Variants in MDGA2 observed in about 807,000 individuals in gnomAD.
The protein encoded by MDGA2 is MAM domain containing glycosylphosphatidylinositol anchor 2.
MDGA2 carries 40 observed loss-of-function variants against 117.8 expected under a neutral mutation model. That is an observed-to-expected ratio of 0.34 (90% CI 0.26 to 0.44). The LOEUF (loss-of-function observed/expected upper bound fraction) is 0.44, where lower values mean the gene tolerates loss of function less well. Ranked by LOEUF, MDGA2 falls within the 20% of genes least tolerant of loss-of-function variation. The pLI is 1.00. For synonymous variants in MDGA2, 452 were observed against 439.0 expected (o/e 1.03, Z -0.37); for missense variants, 1,123 against 1,250.6 (o/e 0.90, Z 1.54).
chr14:46,968,027 G>A (rs1886105915), intron 8 of MDGA2, among the ~76,000 whole-genome samples: 1 of 152,114 alleles, frequency 6.6e-6, no homozygotes, highest in Admixed American at 6.5e-5. Context: ...AAAACCGCTT[G>A]ACTCTCTGGG....
At chr14:46,972,957 G>T (rs973683647) in intron 8 of MDGA2, among the ~76,000 whole-genome samples, 1 of 151,960 alleles carries the variant, frequency 6.6e-6, no homozygotes, top group Admixed American at 6.6e-5. Flanking sequence ...TTTAAAATGG[G>T]CCAAAGACCT....
intron 3 of MDGA2, among the ~76,000 whole-genome samples, chr14:47,155,885 CTTCTTTTTTTTTTTTTTTTTTTTTTT>C (rs1328774774): frequency 0.12 from 9,743 of 80,326 alleles, 672 homozygotes; most frequent in African/African-American, 0.14. Context: ...TCTTCTTCTT[CTTCTTTTTTTTTTTTTTTTTTTTTTT>C]TTTTTTTTTT....
At chr14:47,288,532 T>C (rs974524307) in intron 2 of MDGA2, among the ~76,000 whole-genome samples, 2 of 152,150 alleles carry the variant, frequency 1.3e-5, no homozygotes, top group Non-Finnish European at 2.9e-5. Flanking sequence ...TGCTCAAGCT[T>C]ATCCAGCATC....
intron 1 of MDGA2, among the ~76,000 whole-genome samples, chr14:47,494,918 GTA>G (rs988630925): frequency 6.7e-6 from 1 of 148,526 alleles, no homozygotes; most frequent in Non-Finnish European, 1.5e-5. Flanking sequence ...GTGTATATGT[GTA>G]TATATATATT....
At chr14:47,602,663 T>TTA (rs1274527814) in intron 1 of MDGA2, among the ~76,000 whole-genome samples, 21 of 152,264 alleles carry the variant, frequency 1.4e-4, no homozygotes, top group African/African-American at 4.8e-4. Flanking sequence ...CAGAAAATTG[T>TTA]TAGACTTTTT....
chr14:46,943,010 A>G (rs1885052933), intron 9 of MDGA2, among the ~76,000 whole-genome samples: 1 of 152,034 alleles, frequency 6.6e-6, no homozygotes, highest in Non-Finnish European at 1.5e-5. Flanking sequence ...CTTGAACTAT[A>G]ATTATGGAAT....
intron 1 of MDGA2, among the ~76,000 whole-genome samples, chr14:47,548,932 GTTAT>G (rs1312050891): frequency 2.6e-5 from 4 of 152,098 alleles, no homozygotes; most frequent in Admixed American, 6.6e-5. Context: ...TGCAGCTGAG[GTTAT>G]TTATTTTTTT....
intron 9 of MDGA2, among the ~76,000 whole-genome samples, chr14:46,938,257 G>A (rs938171304): frequency 2.6e-5 from 4 of 151,806 alleles, no homozygotes; most frequent in South Asian, 2.1e-4. Flanking sequence ...GATATCATCC[G>A]GCTGGGCATG....
chr14:47,154,630 A>G (rs1883295010), intron 3 of MDGA2, among the ~76,000 whole-genome samples: 1 of 149,160 alleles, frequency 6.7e-6, no homozygotes, highest in Non-Finnish European at 1.5e-5. Context: ...TGTCAAGACC[A>G]GGCCTGGTGT....
At chr14:47,245,309 C>A (rs949880361) in intron 2 of MDGA2, among the ~76,000 whole-genome samples, 2 of 151,848 alleles carry the variant, frequency 1.3e-5, no homozygotes, top group Admixed American at 6.6e-5. Flanking sequence ...ATAACAGTTT[C>A]TTTTCTTTAT....
In MDGA2 at chr14:46,901,974, G is replaced by A. The variant is rs542501186; in HGVS notation, c.2238+18038C>T. Among the ~76,000 whole-genome samples the A allele has an allele frequency of 5.9e-5, 9 of 152,268 alleles. 1 individual carries two copies. The highest frequency in any genetic ancestry group is 1.9e-4 in the African/African-American group (8 of 41,562). ...GACTTTTAAGCAATTACTTCATAAG[G>A]TATATCCAGATGCCACTAGGTTTAA... On this transcript the variant is annotated intron_variant, in intron 10 of 16. Transcript: ENST00000399232.
Position 47,609,556 on chromosome 14 carries a change from C to G in MDGA2, c.280+64961G>C, listed in dbSNP as rs1352072317. Reference sequence around the variant, plus strand: ...TTGTGCTGCTATAAAAATGTGTGTGCTAGTATCTTTTTTGTATAATGGCTT... The same window carrying G: ...TTGTGCTGCTATAAAAATGTGTGTGGTAGTATCTTTTTTGTATAATGGCTT... On this transcript the variant is annotated intron_variant, in intron 1 of 16. Transcript: ENST00000399232. Among the ~76,000 whole-genome samples the G allele has an allele frequency of 2.0e-5, 3 of 147,318 alleles. 1 individual carries two copies. The East Asian group carries it at 6.1e-4, about 30-fold the overall frequency.
chr14:47,286,809 A>ATATATG (rs1054639178), intron 2 of MDGA2, among the ~76,000 whole-genome samples: 11 of 114,454 alleles, frequency 9.6e-5, no homozygotes, highest in Non-Finnish European at 1.9e-4. Flanking sequence ...ATCATTATAT[A>ATATATG]TATATATATA....
At chr14:47,175,184 G>A (rs1884379455) in intron 3 of MDGA2, among the ~76,000 whole-genome samples, 1 of 151,198 alleles carries the variant, frequency 6.6e-6, no homozygotes, top group Admixed American at 6.6e-5. Flanking sequence ...AAGAGTCCAG[G>A]ACCAGATGGA....
At chr14:46,975,744 G>A (rs1886432638) in intron 8 of MDGA2, among the ~76,000 whole-genome samples, 1 of 152,020 alleles carries the variant, frequency 6.6e-6, no homozygotes, top group Non-Finnish European at 1.5e-5. Context: ...AAATTGAGTG[G>A]CTTATAAATA....
rs376745052 is a variant in MDGA2, at chr14:47,055,264, CAG to C, written c.1525+5983_1525+5984del. ...CTAATTGTCTCTTTTCTGAACTCTG[CAG>C]ATTCACCAACTGAATTGGCTCCCAA... On this transcript the variant is annotated intron_variant, in intron 7 of 16. Coordinates refer to ENST00000399232, the MANE Select transcript of MDGA2 (RefSeq NM_001113498.3). Among the ~76,000 whole-genome samples the C allele has an allele frequency of 1.8e-4, 27 of 152,158 alleles. No homozygotes were observed. In the South Asian group the frequency reaches 5.2e-3, roughly 29 times the overall value.
chr14:47,312,543 T>C (rs575499640), intron 1 of MDGA2, among the ~76,000 whole-genome samples: 11 of 152,192 alleles, frequency 7.2e-5, no homozygotes, highest in African/African-American at 2.6e-4. Context: ...GACAGTCCTT[T>C]TTGTTTTTTA....
At chr14:47,262,657 C>T (rs1398881137) in intron 2 of MDGA2, among the ~76,000 whole-genome samples, 1 of 152,138 alleles carries the variant, frequency 6.6e-6, no homozygotes, top group Non-Finnish European at 1.5e-5. Context: ...GAGCAAAGTA[C>T]AGTCAAAAGA....
chr14:46,887,015 C>T (rs1312482920), intron 10 of MDGA2, among the ~76,000 whole-genome samples: 1 of 152,000 alleles, frequency 6.6e-6, no homozygotes, highest in Non-Finnish European at 1.5e-5. Context: ...AAAGCATCTC[C>T]TCTCCCACAT....
Sources: allele counts gnomAD v4.1 joint callset (sites outside exome capture counted in the v4.1 genomes callset), GRCh38; gene constraint gnomAD v4.1.1; transcripts MANE v1.5; gene names NCBI Gene and HGNC (gene_info 2026-07-23, HGNC 2026-07-21).